Variants in NEK7 observed in about 807,000 individuals in gnomAD.
The protein encoded by NEK7 is NIMA related kinase 7, also known as serine/threonine-protein kinase Nek7.
Under a neutral mutation model 44.6 loss-of-function variants are expected in NEK7, and 18 were observed. That is an observed-to-expected ratio of 0.40 (90% confidence interval 0.28 to 0.60). The LOEUF is 0.60. Ranked by LOEUF, NEK7 falls within the 20% of genes least tolerant of loss-of-function variation. The pLI is 0.38. For synonymous variants in NEK7, 130 were observed against 121.1 expected (o/e 1.07, Z -0.48); for missense variants, 256 against 366.5 (o/e 0.70, Z 2.46).
chr1:198,210,171 C>T (rs559978804), intron 1 of NEK7, among the ~76,000 whole-genome samples: 52 of 152,014 alleles, frequency 3.4e-4, no homozygotes, highest in South Asian at 1.0e-3. Context: ...CATAGCTTAC[C>T]GTAACTTTAA....
At position 198,320,098 on chromosome 1, in the gene NEK7, A is replaced by T. The variant is rs1410302339; in HGVS notation, c.*576A>T. ...TTAGAACTCTTAGCTTATACATTCA[A>T]AATGTAACTATTAAATGTGAAGATT... On this transcript the variant is annotated 3_prime_UTR_variant, in exon 10 of 10. Coordinates refer to ENST00000367385, the MANE Select transcript of NEK7 (RefSeq NM_133494.3). 2 of 152,200 alleles carry T rather than the reference A, an allele frequency of 1.3e-5. No individual in the cohort carries two copies. Among genetic ancestry groups the T allele is most frequent in the African/African-American group, 4.8e-5 (2 of 41,454 alleles). 9.4% of individuals were successfully genotyped at this position (152,200 alleles called of 1,614,324 possible).
At chr1:198,236,623 C>T (rs977377223) in intron 2 of NEK7, among the ~76,000 whole-genome samples, 3 of 152,098 alleles carry the variant, frequency 2.0e-5, no homozygotes, top group African/African-American at 4.8e-5. Flanking sequence ...CTGAAGCAGT[C>T]AGAAGAGAAC....
chr1:198,227,697 C>G (rs1371383371), intron 1 of NEK7, among the ~76,000 whole-genome samples: 1 of 152,106 alleles, frequency 6.6e-6, no homozygotes, highest in Non-Finnish European at 1.5e-5. Context: ...ATATCCTTCG[C>G]CCACTTTTGA....
intron 1 of NEK7, among the ~76,000 whole-genome samples, chr1:198,177,126 C>T (rs1189974567): frequency 6.6e-6 from 1 of 151,960 alleles, no homozygotes; most frequent in Non-Finnish European, 1.5e-5. Flanking sequence ...TGTGTAGAAA[C>T]GATAAAAGTA....
intron 7 of NEK7, among the ~76,000 whole-genome samples, chr1:198,287,248 G>A (rs1286567598): frequency 1.3e-5 from 2 of 152,042 alleles, no homozygotes; most frequent in South Asian, 2.1e-4. Flanking sequence ...TTGGGAGGCC[G>A]AAGCGGGTGG....
At chr1:198,237,331 A>G (rs1245178996) in intron 2 of NEK7, among the ~76,000 whole-genome samples, 1 of 152,110 alleles carries the variant, frequency 6.6e-6, no homozygotes, top group Admixed American at 6.6e-5. Flanking sequence ...TCTGCCCCGA[A>G]TTCCAAACTC....
chr1:198,262,248 AGC>A (rs903357557), intron 3 of NEK7, among the ~76,000 whole-genome samples: 2 of 151,974 alleles, frequency 1.3e-5, no homozygotes, highest in African/African-American at 4.8e-5. Flanking sequence ...CAGTACATTT[AGC>A]ATATATTAAT....
rs534458336 is a variant in NEK7 at position 198,257,676 on chromosome 1, G to T, written c.198+4496G>T. On this transcript the variant is annotated intron_variant, in intron 3 of 9. Coordinates refer to ENST00000367385, the MANE Select transcript of NEK7 (RefSeq NM_133494.3). ...AATAATTCATAAATGACATTTAAAAGATACAGAACAATTTGGTAAATTAAT... is the reference window on the plus strand; with the variant it reads ...AATAATTCATAAATGACATTTAAAATATACAGAACAATTTGGTAAATTAAT... Among the ~76,000 whole-genome samples the T allele has an allele frequency of 4.6e-5, 7 of 152,226 alleles. No homozygotes were observed. In the South Asian group the frequency reaches 1.4e-3, roughly 32 times the overall value.
intron 1 of NEK7, among the ~76,000 whole-genome samples, chr1:198,163,257 C>T (rs1326872971): frequency 6.6e-6 from 1 of 151,936 alleles, no homozygotes; most frequent in African/African-American, 2.4e-5. Context: ...CTTTGGGAGG[C>T]CAAGGTGGGA....
intron 4 of NEK7, among the ~76,000 whole-genome samples, 181 bp downstream of exon 4, chr1:198,262,818 A>G (rs1653521875): frequency 6.6e-6 from 1 of 151,906 alleles, no homozygotes; most frequent in Non-Finnish European, 1.5e-5. Flanking sequence ...TTTATTGTTA[A>G]ATAACATAAT....
intron 9 of NEK7, among the ~76,000 whole-genome samples, chr1:198,305,657 C>G (rs899503255): frequency 6.6e-6 from 1 of 152,106 alleles, no homozygotes; most frequent in African/African-American, 2.4e-5. Context: ...AATTATCCCT[C>G]TAGTCATAAT....
intron 2 of NEK7, among the ~76,000 whole-genome samples, chr1:198,240,928 T>A (rs1291975439): frequency 6.6e-6 from 1 of 152,148 alleles, no homozygotes; most frequent in African/African-American, 2.4e-5. Context: ...CTCCTAACCT[T>A]GTGATCCACC....
chr1:198,298,818 C>G (rs1027284236), intron 9 of NEK7, among the ~76,000 whole-genome samples: 18 of 152,192 alleles, frequency 1.2e-4, no homozygotes, highest in African/African-American at 4.3e-4. Context: ...TTAGGAGATG[C>G]CGAGTGCAGC....
intron 1 of NEK7, among the ~76,000 whole-genome samples, chr1:198,219,177 G>A (rs1315351954): frequency 6.6e-6 from 1 of 151,346 alleles, no homozygotes; most frequent in Admixed American, 6.6e-5. Flanking sequence ...CTCAACTGAT[G>A]AATGGATAAA....
chr1:198,243,972 A>G (rs1666761384), intron 2 of NEK7, among the ~76,000 whole-genome samples: 1 of 152,096 alleles, frequency 6.6e-6, no homozygotes, highest in Admixed American at 6.5e-5. Flanking sequence ...TACATGATAG[A>G]AAGGATATTC....
chr1:198,191,426 C>T (rs1665069707), intron 1 of NEK7, among the ~76,000 whole-genome samples: 1 of 151,920 alleles, frequency 6.6e-6, no homozygotes, highest in Non-Finnish European at 1.5e-5. Context: ...AGAATATTTT[C>T]ATATGCTCTT....
chr1:198,307,428 G>C (rs539040018), intron 9 of NEK7, among the ~76,000 whole-genome samples: 2 of 151,904 alleles, frequency 1.3e-5, no homozygotes, highest in Non-Finnish European at 2.9e-5. Flanking sequence ...GCCTTCTGGT[G>C]GTCTAATTTA....
intron 1 of NEK7, among the ~76,000 whole-genome samples, chr1:198,223,416 TAA>T (rs947696676): frequency 1.3e-5 from 2 of 152,204 alleles, no homozygotes; most frequent in African/African-American, 4.8e-5. Context: ...GATGAAGTGG[TAA>T]AAGAGTATTA....
At chr1:198,171,767 G>T (rs553467784) in intron 1 of NEK7, among the ~76,000 whole-genome samples, 1 of 152,150 alleles carries the variant, frequency 6.6e-6, no homozygotes, top group East Asian at 1.9e-4. Flanking sequence ...GGCACTGGTT[G>T]TAGTTCCCTA....
Sources: allele counts gnomAD v4.1 joint callset (sites outside exome capture counted in the v4.1 genomes callset), GRCh38; gene constraint gnomAD v4.1.1; transcripts MANE v1.5; gene names NCBI Gene and HGNC (gene_info 2026-07-23, HGNC 2026-07-21).